Variants in ZHX2 observed in about 807,000 individuals in gnomAD.
ZHX2 encodes zinc fingers and homeoboxes protein 2.
Under a neutral mutation model 21.9 loss-of-function variants are expected in ZHX2, and 6 were observed. That is an observed-to-expected ratio of 0.27 (90% CI 0.15 to 0.54). The LOEUF is 0.54. Among genes scored for constraint, ZHX2 ranks in the 20% least tolerant of loss-of-function variants. The pLI is 0.95. For missense variants in ZHX2, 908 were observed against 1,090.7 expected (o/e 0.83, Z 2.36); for synonymous variants, 434 against 437.1 (o/e 0.99, Z 0.09).
At chr8:122,806,625 A>G (rs1180039260) in intron 1 of ZHX2, among the ~76,000 whole-genome samples, 1 of 152,218 alleles carries the variant, frequency 6.6e-6, no homozygotes, top group Non-Finnish European at 1.5e-5. Context: ...CACCGGGCTC[A>G]CAACAGCTGA....
Position 122,819,739 on chromosome 8 carries a change from C to T in ZHX2, c.-283+37793C>T, listed in dbSNP as rs147807420. ...AGGACAAAGTTGACGAGAGCCCAGA[C>T]TGGGCACTCCACTGGGTCAGGCCCT... On this transcript the variant is annotated intron_variant, in intron 1 of 3. Coordinates refer to ENST00000314393, the MANE Select transcript of ZHX2 (RefSeq NM_014943.5). 2.9e-3 allele frequency among the ~76,000 whole-genome samples: 437 copies of T among 152,382 alleles called. 1 individual carries two copies. The highest frequency in any genetic ancestry group is 6.8e-3 in the Middle Eastern group (2 of 294).
intron 2 of ZHX2, among the ~76,000 whole-genome samples, chr8:122,865,583 T>C (rs943920043): frequency 9.8e-5 from 15 of 152,302 alleles, no homozygotes; most frequent in Non-Finnish European, 1.6e-4. Context: ...GTTCAGAGCA[T>C]GGTCCCTGGA....
chr8:122,853,505 A>G (rs953174119), intron 1 of ZHX2, among the ~76,000 whole-genome samples: 84 of 152,124 alleles, frequency 5.5e-4, no homozygotes, highest in African/African-American at 1.7e-3. Context: ...ACAATGTCCA[A>G]ATTCCTCAGT....
At chr8:122,829,959 G>T (rs114922268) in intron 1 of ZHX2, among the ~76,000 whole-genome samples, 3,436 of 152,310 alleles carry the variant, frequency 0.023, 116 homozygotes, top group African/African-American at 0.079. Flanking sequence ...TTGAGGGACG[G>T]AAGCATGTTA....
chr8:122,803,489 G>A (rs1325430570), intron 1 of ZHX2, among the ~76,000 whole-genome samples: 8 of 152,142 alleles, frequency 5.3e-5, no homozygotes, highest in Admixed American at 4.6e-4. Context: ...TCATTCTTTC[G>A]TGAAGGGCTG....
At chr8:122,915,503 A>G (rs958345551) in intron 2 of ZHX2, among the ~76,000 whole-genome samples, 1 of 152,184 alleles carries the variant, frequency 6.6e-6, no homozygotes, top group Admixed American at 6.5e-5. Context: ...AATAAATAGT[A>G]AGAAATTTGT....
At chr8:122,903,672 A>G (rs1163656612) in intron 2 of ZHX2, among the ~76,000 whole-genome samples, 1 of 152,224 alleles carries the variant, frequency 6.6e-6, no homozygotes, top group African/African-American at 2.4e-5. Context: ...CAGACAGTGT[A>G]GATTCATAAA....
intron 1 of ZHX2, among the ~76,000 whole-genome samples, chr8:122,848,003 C>T (rs116828289): frequency 6.6e-6 from 1 of 152,304 alleles, no homozygotes; most frequent in African/African-American, 2.4e-5. Flanking sequence ...GGACAAGGGC[C>T]ACATCACTGA....
chr8:122,920,980 G>A (rs1434570502), intron 2 of ZHX2, among the ~76,000 whole-genome samples: 6 of 152,122 alleles, frequency 3.9e-5, no homozygotes, highest in Admixed American at 2.6e-4. Context: ...CTGGATTCTC[G>A]GTTTCAGATT....
intron 1 of ZHX2, chr8:122,863,265 T>C (rs900289420): frequency 6.7e-6 from 1 of 150,322 alleles, no homozygotes; most frequent in Non-Finnish European, 1.5e-5. Context: ...CTAGGGTCTT[T>C]TTTTTTTTTT....
intron 1 of ZHX2, among the ~76,000 whole-genome samples, chr8:122,847,381 G>A (rs992880688): frequency 5.3e-5 from 8 of 152,178 alleles, no homozygotes; most frequent in Non-Finnish European, 8.8e-5. Flanking sequence ...CCCTCTGCCT[G>A]TCACCTTCCA....
intron 1 of ZHX2, among the ~76,000 whole-genome samples, chr8:122,832,404 A>G (rs2130678209): frequency 6.6e-6 from 1 of 152,300 alleles, no homozygotes; most frequent in East Asian, 1.9e-4. Context: ...TGTGGCTTCA[A>G]GCTGTTTGGA....
intron 1 of ZHX2, among the ~76,000 whole-genome samples, chr8:122,834,097 AG>A (rs1818445661): frequency 6.6e-6 from 1 of 152,006 alleles, no homozygotes; most frequent in Non-Finnish European, 1.5e-5. Context: ...CCCACAACGG[AG>A]ACTTGGGAGG....
chr8:122,933,653 C>T (rs1212920342), intron 2 of ZHX2, among the ~76,000 whole-genome samples: 1 of 151,846 alleles, frequency 6.6e-6, no homozygotes, highest in Admixed American at 6.6e-5. Context: ...AATCTTATTG[C>T]TTTAAAAAAA....
At chr8:122,785,331 C>T (rs1448537940) in intron 1 of ZHX2, among the ~76,000 whole-genome samples, 1 of 152,186 alleles carries the variant, frequency 6.6e-6, no homozygotes, top group African/African-American at 2.4e-5. Flanking sequence ...GGAGATGATG[C>T]CTCAGCTGTA....
At chr8:122,827,829 G>A (rs1818295407) in intron 1 of ZHX2, among the ~76,000 whole-genome samples, 1 of 152,206 alleles carries the variant, frequency 6.6e-6, no homozygotes, top group Admixed American at 6.5e-5. Context: ...AAATAGAGAA[G>A]AGCTGGATGC....
intron 2 of ZHX2, among the ~76,000 whole-genome samples, chr8:122,891,175 G>A (rs1422077840): frequency 1.3e-5 from 2 of 151,742 alleles, no homozygotes; most frequent in African/African-American, 4.8e-5. Flanking sequence ...ATTGGTCCTA[G>A]GCTTTTCTTT....
Position 122,942,963 on chromosome 8 carries a change from T to C in ZHX2, c.-219-8329T>C, listed in dbSNP as rs184057212. Among the ~76,000 whole-genome samples the C allele has an allele frequency of 2.8e-3, 427 of 152,310 alleles. 6 individuals are homozygous for C. The highest frequency in any genetic ancestry group is 1.5e-3 in the Non-Finnish European group (102 of 68,018). On this transcript the variant is annotated intron_variant, in intron 2 of 3. Transcript: ENST00000314393. The stretch of plus-strand genomic sequence containing the variant: ...GTAGCATCCTCACCTGGGAGCCTGT[T>C]AGGAATGCACAGTCATGGCCAGGCA...
intron 1 of ZHX2, among the ~76,000 whole-genome samples, chr8:122,837,449 C>T (rs915330236): frequency 6.6e-6 from 1 of 152,168 alleles, no homozygotes; most frequent in Non-Finnish European, 1.5e-5. Flanking sequence ...TAAGCTGGTC[C>T]TGCCACTACC....
Sources: gnomAD v4.1 joint callset for allele counts (sites outside exome capture counted in the v4.1 genomes callset) on GRCh38, gnomAD v4.1.1 for gene constraint, MANE v1.5 for transcripts, NCBI Gene and HGNC (gene_info 2026-07-23, HGNC 2026-07-21) for gene names.